The following UBE3D variants were observed in gnomAD, a reference collection of about 807,000 sequenced individuals.
UBE3D encodes the protein E3 ubiquitin-protein ligase E3D.
UBE3D carries 48 observed loss-of-function variants against 49.6 expected under a neutral mutation model. The observed-to-expected ratio is 0.97, with a 90% CI of 0.77 to 1.23. The LOEUF (loss-of-function observed/expected upper bound fraction) is 1.23. Ranked by LOEUF, UBE3D falls within the 50% of genes most tolerant of loss-of-function variation. The probability of loss-of-function intolerance (pLI) is 0.00; values close to 1 mark genes in which losing one functional copy is unlikely to be tolerated. For missense variants in UBE3D, 452 were observed against 468.4 expected (o/e 0.96, Z 0.32); for synonymous variants, 189 against 174.2 (o/e 1.08, Z -0.67).
intron 9 of UBE3D, among the ~76,000 whole-genome samples, chr6:82,895,894 C>T (rs769360690): frequency 9.9e-5 from 15 of 152,078 alleles, no homozygotes; most frequent in Non-Finnish European, 1.9e-4. Context: ...TGCATGCCTG[C>T]GAATATGAAC....
chr6:82,926,893 T>C (rs563325601), intron 9 of UBE3D, among the ~76,000 whole-genome samples: 2 of 152,252 alleles, frequency 1.3e-5, no homozygotes, highest in South Asian at 4.1e-4. Flanking sequence ...TTTCATGGGG[T>C]ATGCCTTTGC....
At chr6:82,969,351 T>C (rs1337509120) in intron 8 of UBE3D, among the ~76,000 whole-genome samples, 1 of 152,100 alleles carries the variant, frequency 6.6e-6, no homozygotes, top group Non-Finnish European at 1.5e-5. Context: ...GGCTCACGAC[T>C]CTAATCCCAC....
chr6:82,979,194 T>C (rs1026027070), intron 8 of UBE3D, among the ~76,000 whole-genome samples: 2 of 152,204 alleles, frequency 1.3e-5, no homozygotes, highest in African/African-American at 2.4e-5. Flanking sequence ...AAGTGCTTAA[T>C]ACATACTTGC....
intron 9 of UBE3D, among the ~76,000 whole-genome samples, chr6:82,893,259 G>A (rs989702266): frequency 2.6e-5 from 4 of 152,052 alleles, no homozygotes; most frequent in South Asian, 2.1e-4. Flanking sequence ...TGATTCACAC[G>A]CATTTTAAAG....
chr6:83,004,812 A>G (rs769454824), intron 8 of UBE3D, among the ~76,000 whole-genome samples: 12 of 152,214 alleles, frequency 7.9e-5, no homozygotes, highest in Non-Finnish European at 1.3e-4. Context: ...ATCAACCAAA[A>G]AGACAATTTC....
intron 8 of UBE3D, among the ~76,000 whole-genome samples, chr6:82,979,594 T>G (rs73749494): frequency 0.036 from 5,552 of 152,292 alleles, 163 homozygotes; most frequent in East Asian, 0.092. Context: ...CTTCCAATAC[T>G]GATTTCTTAT....
In UBE3D at chr6:83,019,056, T is replaced by C; in HGVS notation, c.927A>G (p.Glu309=). The C allele has an allele frequency of 6.2e-7, 1 of 1,614,058 alleles. No individual in the cohort carries two copies. ...SKYIKKFPLL[E]NTFKADSSSA... ...AACTAGAATCGGCTTTGAATGTGTT[T>C]TCCAACAAGGGGAATTTTTTGATAT... The change falls in exon 8 of 10, where the codon GAA becomes GAG. Residue 309 remains glutamate (E), a synonymous_variant. Coordinates refer to ENST00000369747, the MANE Select transcript of UBE3D (RefSeq NM_198920.3).
chr6:82,985,555 T>C (rs1053736663), intron 8 of UBE3D, among the ~76,000 whole-genome samples: 2 of 151,932 alleles, frequency 1.3e-5, no homozygotes, highest in African/African-American at 4.8e-5. Flanking sequence ...GTAGAGACGA[T>C]GTTTCACCAT....
intron 3 of UBE3D, among the ~76,000 whole-genome samples, chr6:83,046,567 A>T (rs1783049049): frequency 6.6e-6 from 1 of 151,230 alleles, no homozygotes; most frequent in Non-Finnish European, 1.5e-5. Context: ...CGTCTCTCTT[A>T]AGGTACTCAT....
intron 5 of UBE3D, among the ~76,000 whole-genome samples, chr6:83,032,544 T>C (rs1326536051): frequency 2.0e-5 from 3 of 152,230 alleles, no homozygotes; most frequent in Non-Finnish European, 2.9e-5. Context: ...CGATGAGACT[T>C]TGGACTTGAA....
chr6:82,901,354 C>T (rs896934512), intron 9 of UBE3D, among the ~76,000 whole-genome samples: 1 of 152,100 alleles, frequency 6.6e-6, no homozygotes, highest in African/African-American at 2.4e-5. Context: ...TCCCAGGAAA[C>T]ACTTTCAAAT....
intron 8 of UBE3D, among the ~76,000 whole-genome samples, chr6:82,976,988 C>A (rs971554153): frequency 1.3e-5 from 2 of 151,776 alleles, no homozygotes; most frequent in Admixed American, 6.6e-5. Flanking sequence ...GTGGCAGGCA[C>A]CTGTAGTCCC....
intron 9 of UBE3D, chr6:82,938,148 GAACA>G (rs1279736262): frequency 6.6e-6 from 1 of 152,148 alleles, no homozygotes; most frequent in African/African-American, 2.4e-5. Flanking sequence ...GAACAGCTGG[GAACA>G]GACAAAAATG....
intron 9 of UBE3D, among the ~76,000 whole-genome samples, chr6:82,903,335 G>C (rs1178728855): frequency 6.6e-6 from 1 of 152,040 alleles, no homozygotes; most frequent in East Asian, 1.9e-4. Context: ...TGGATTAGTG[G>C]TAAGGAGGAG....
chr6:82,987,493 G>C (rs1301561111), intron 8 of UBE3D, among the ~76,000 whole-genome samples: 1 of 152,076 alleles, frequency 6.6e-6, no homozygotes, highest in Non-Finnish European at 1.5e-5. Flanking sequence ...CAATGTTAAA[G>C]ATAAAAAATT....
intron 7 of UBE3D, 111 bp from the exon 8 acceptor site, chr6:83,019,247 T>G (rs1360526280): frequency 4.0e-6 from 4 of 1,001,770 alleles, no homozygotes; most frequent in Non-Finnish European, 4.1e-6. Context: ...AAAATAAATA[T>G]GAGAATCATG....
At chr6:83,034,890 G>T (rs28545555) in intron 5 of UBE3D, among the ~76,000 whole-genome samples, 3 of 151,252 alleles carry the variant, frequency 2.0e-5, no homozygotes, top group African/African-American at 7.3e-5. Context: ...TAAAAAAAAA[G>T]AAAAAAAATC....
chr6:82,907,391 C>A (rs1772178475), intron 9 of UBE3D, among the ~76,000 whole-genome samples: 1 of 152,136 alleles, frequency 6.6e-6, no homozygotes, highest in Admixed American at 6.6e-5. Context: ...CAAACAAAAT[C>A]CAGAAGGCAT....
At chr6:82,952,961 C>T (rs551099205) in intron 9 of UBE3D, among the ~76,000 whole-genome samples, 20 of 152,316 alleles carry the variant, frequency 1.3e-4, no homozygotes, top group African/African-American at 3.4e-4. Context: ...GCAGCTCTTG[C>T]CCAGTCCTGG....
Sources: allele counts gnomAD v4.1 joint callset (sites outside exome capture counted in the v4.1 genomes callset), GRCh38; gene constraint gnomAD v4.1.1; transcripts MANE v1.5; gene names NCBI Gene and HGNC (gene_info 2026-07-23, HGNC 2026-07-21).